The following CDK15 variants were observed in gnomAD, a reference collection of about 807,000 sequenced individuals.
CDK15 encodes cyclin dependent kinase 15.
Under a neutral mutation model 60.3 loss-of-function variants are expected in CDK15, and 62 were observed. The observed-to-expected ratio is 1.03, with a 90% CI of 0.84 to 1.27. The LOEUF is 1.27. Ranked by LOEUF, CDK15 falls within the 50% of genes most tolerant of loss-of-function variation. The probability of loss-of-function intolerance (pLI) is 0.00; values close to 1 mark genes in which losing one functional copy is unlikely to be tolerated. For missense variants in CDK15, 541 were observed against 527.8 expected (o/e 1.03, Z -0.25); for synonymous variants, 194 against 195.7 (o/e 0.99, Z 0.07).
chr2:201,824,677 T>C (rs1007778517), intron 6 of CDK15: 5 of 354,958 alleles, frequency 1.4e-5, no homozygotes, highest in Non-Finnish European at 2.5e-5. Flanking sequence ...AGTTAATAGT[T>C]CTAATGGAAT....
rs375313939 is a variant in CDK15, at chr2:201,890,868, C to G, written c.1282C>G (p.Pro428Ala). 12 of 1,613,424 alleles carry G rather than the reference C, an allele frequency of 7.4e-6. No homozygotes were observed. In the African/African-American group the frequency reaches 1.6e-4, roughly 22 times the overall value. The change falls in exon 13 of 14, where the codon CCA (proline) becomes GCA (alanine). Residue 428 changes from proline (P) to alanine (A), a missense_variant. Pro to Ala is a conservative substitution (Grantham distance 27, BLOSUM62 -1). Coordinates refer to ENST00000652192, the MANE Select transcript of CDK15 (RefSeq NM_001366386.2). ...GGCCTCCTACCAGAAAGGTCACCAC[C>G]CAGCCCAGTTTAGCAAATGCTGGTG... Reference protein sequence around the residue: ...LLASYQKGHHPAQFSKCW With the variant: ...LLASYQKGHHAAQFSKCW
At chr2:201,820,703 T>A in intron 4 of CDK15, among the ~76,000 whole-genome samples, 1 of 152,120 alleles carries the variant, frequency 6.6e-6, no homozygotes, top group Admixed American at 6.5e-5. Context: ...CTAGGTGGTG[T>A]GGCAGCATCT....
At chr2:201,850,667 G>C (rs1304010298) in intron 9 of CDK15, among the ~76,000 whole-genome samples, 2 of 152,122 alleles carry the variant, frequency 1.3e-5, no homozygotes, top group Non-Finnish European at 2.9e-5. Flanking sequence ...TATTGGGATT[G>C]CTGGATCATA....
Position 201,872,324 on chromosome 2 carries a change from C to T in CDK15, c.1056C>T (p.Asn352=). ...PTPRSLHVVW[N]RLGRVPEAED... is the part of the protein sequence containing the mutation. The stretch of plus-strand genomic sequence containing the variant: ...CTCGAAGCCTTCATGTTGTCTGGAA[C>T]AGGTGAGTACTACCTCAGGAAGGGA... The change falls in exon 11 of 14, where the codon AAC becomes AAT. Residue 352 remains asparagine, a splice_region_variant and synonymous_variant. Coordinates refer to ENST00000652192, the MANE Select transcript of CDK15 (RefSeq NM_001366386.2). The T allele has an allele frequency of 6.2e-7, 1 of 1,613,856 alleles. No individual in the cohort carries two copies. Among genetic ancestry groups the T allele is most frequent in the Admixed American group, 1.7e-5 (1 of 60,018 alleles).
At chr2:201,856,734 T>C (rs1232214675) in intron 10 of CDK15, among the ~76,000 whole-genome samples, 1 of 152,174 alleles carries the variant, frequency 6.6e-6, no homozygotes. Context: ...ACAGATGGAT[T>C]GTAGGAAACA....
Position 201,833,988 on chromosome 2 carries a change from G to T in CDK15, c.730+17G>T. On this transcript the variant is annotated intron_variant, in intron 7 of 13. Coordinates refer to ENST00000652192, the MANE Select transcript of CDK15 (RefSeq NM_001366386.2). ...CTGATTTTGGTAAGTCGCCCCTCGG[G>T]TCTCATTCTGGGCTGTGAACAATGA... 6.2e-7 allele frequency: 1 copy of T among 1,612,268 alleles called. No homozygotes were observed. The highest frequency in any genetic ancestry group is 8.5e-7 in the Non-Finnish European group (1 of 1,179,096).
chr2:201,809,200 G>A (rs1695645664), intron 3 of CDK15, among the ~76,000 whole-genome samples: 1 of 152,108 alleles, frequency 6.6e-6, no homozygotes. Flanking sequence ...TCGGAACGGG[G>A]GCACCCTGGA....
chr2:201,834,698 A>G (rs1696931304), intron 7 of CDK15, among the ~76,000 whole-genome samples: 1 of 152,180 alleles, frequency 6.6e-6, no homozygotes, highest in Non-Finnish European at 1.5e-5. Flanking sequence ...GCCTGGTACC[A>G]TAGTAGGTGC....
chr2:201,857,296 A>AT (rs1698186693), intron 10 of CDK15, among the ~76,000 whole-genome samples: 1 of 147,444 alleles, frequency 6.8e-6, no homozygotes, highest in Non-Finnish European at 1.5e-5. Flanking sequence ...CATTTTAAAA[A>AT]ATTTTCTGTT....
intron 1 of CDK15, among the ~76,000 whole-genome samples, chr2:201,807,197 G>GAA (rs796775970): frequency 1.4e-5 from 2 of 145,688 alleles, no homozygotes; most frequent in African/African-American, 2.5e-5. Flanking sequence ...AAGTGGACAT[G>GAA]AAAAAAAAAA....
intron 8 of CDK15, among the ~76,000 whole-genome samples, chr2:201,838,364 A>G (rs1304235117): frequency 6.6e-6 from 1 of 152,082 alleles, no homozygotes; most frequent in African/African-American, 2.4e-5. Context: ...TCCAACCCAA[A>G]ACATCTGTAG....
At chr2:201,825,919 A>T (rs1696467071) in intron 6 of CDK15, among the ~76,000 whole-genome samples, 1 of 152,230 alleles carries the variant, frequency 6.6e-6, no homozygotes, top group Non-Finnish European at 1.5e-5. Flanking sequence ...ATTAAATAGA[A>T]GAATGATTGG....
chr2:201,854,560 T>C (rs1698059051), intron 9 of CDK15, among the ~76,000 whole-genome samples: 1 of 152,178 alleles, frequency 6.6e-6, no homozygotes, highest in Non-Finnish European at 1.5e-5. Context: ...TCCTAATGCA[T>C]GATAATCATG....
intron 9 of CDK15, among the ~76,000 whole-genome samples, chr2:201,849,515 A>T (rs1390703709): frequency 1.3e-5 from 2 of 152,166 alleles, no homozygotes; most frequent in East Asian, 3.8e-4. Context: ...ACAAGACTCT[A>T]CAAGGTCTTG....
At chr2:201,855,681 A>T (rs1457722294) in intron 10 of CDK15, among the ~76,000 whole-genome samples, 3 of 152,200 alleles carry the variant, frequency 2.0e-5, no homozygotes, top group Non-Finnish European at 4.4e-5. Flanking sequence ...CTGAGCTCTC[A>T]CTGGCAGGGT....
intron 6 of CDK15, among the ~76,000 whole-genome samples, chr2:201,833,211 A>AGG (rs138633087): frequency 0.023 from 3,170 of 140,620 alleles, 104 homozygotes; most frequent in African/African-American, 0.074. Flanking sequence ...ATTTTTTTTG[A>AGG]GGGGGGGGGT....
rs1323954895 is a variant in CDK15, at chr2:201,862,631, G to A, written c.1009+7694G>A. On this transcript the variant is annotated intron_variant, in intron 10 of 13. Coordinates refer to ENST00000652192, the MANE Select transcript of CDK15 (RefSeq NM_001366386.2). Reference sequence around the variant, plus strand: ...TTTTACTTTACTTTGATTCACAACAGCCTTATCAGATAGAGACAATGTTGT... The same window carrying A: ...TTTTACTTTACTTTGATTCACAACAACCTTATCAGATAGAGACAATGTTGT... Among the ~76,000 whole-genome samples the A allele has an allele frequency of 2.0e-5, 3 of 152,166 alleles. No homozygotes were observed. In the East Asian group the frequency reaches 5.8e-4, roughly 29 times the overall value.
rs112442956 is a variant in CDK15 at position 201,825,885 on chromosome 2, G to A, written c.606+2158G>A. ...GCTGATAGTTATGAAGAGAGTGGAA[G>A]GCTTCAAGGACCTACAGGTGTTGAT... On this transcript the variant is annotated intron_variant, in intron 6 of 13. Transcript: ENST00000652192. Among the ~76,000 whole-genome samples, 1,059 of 152,286 alleles carry A rather than the reference G, an allele frequency of 7.0e-3. 7 individuals are homozygous for A. Among genetic ancestry groups the A allele is most frequent in the African/African-American group, 0.024 (1,013 of 41,560 alleles).
intron 4 of CDK15, among the ~76,000 whole-genome samples, chr2:201,819,040 A>C (rs1483943434): frequency 6.6e-6 from 1 of 152,178 alleles, no homozygotes; most frequent in Non-Finnish European, 1.5e-5. Flanking sequence ...CAGACAATAA[A>C]CAAATATTTA....
Sources: allele counts gnomAD v4.1 joint callset (sites outside exome capture counted in the v4.1 genomes callset), GRCh38; gene constraint gnomAD v4.1.1; transcripts MANE v1.5; gene names NCBI Gene and HGNC (gene_info 2026-07-23, HGNC 2026-07-21).